INO80D: variants seen among roughly 807,000 people sequenced by gnomAD.
INO80D encodes the protein INO80 complex subunit D.
INO80D carries 21 observed loss-of-function variants against 87.6 expected under a neutral mutation model. The ratio of observed to expected loss-of-function variants is 0.24; its 90% CI spans 0.17 to 0.35. INO80D has a LOEUF of 0.35. INO80D is among the 10% of genes least tolerant of loss of function. INO80D has a pLI of 1.00. For missense variants in INO80D, 982 were observed against 1,280.7 expected (o/e 0.77, Z 3.56); for synonymous variants, 440 against 491.0 (o/e 0.90, Z 1.37).
intron 5 of INO80D, among the ~76,000 whole-genome samples, chr2:206,030,550 C>T (rs1351938582): frequency 6.6e-6 from 1 of 151,696 alleles, no homozygotes; most frequent in East Asian, 1.9e-4. Flanking sequence ...GGACCTCACA[C>T]AAATACAACA....
intron 1 of INO80D, among the ~76,000 whole-genome samples, chr2:206,073,831 C>T (rs1690035893): frequency 6.6e-6 from 1 of 151,984 alleles, no homozygotes; most frequent in African/African-American, 2.4e-5. Context: ...ATTTCCTAAT[C>T]CATGCAAACA....
At chr2:206,027,776 C>A (rs1428022421) in intron 6 of INO80D, among the ~76,000 whole-genome samples, 1 of 152,110 alleles carries the variant, frequency 6.6e-6, no homozygotes, top group African/African-American at 2.4e-5. Context: ...TAAAATACTA[C>A]TTTTGTAGTT....
chr2:206,009,501 T>A (rs773067782), intron 9 of INO80D, 76 bp downstream of exon 9: 10 of 1,251,110 alleles, frequency 8.0e-6, no homozygotes, highest in Non-Finnish European at 1.0e-5. Context: ...AACTTTACAA[T>A]AACCACATGA....
chr2:206,010,419 A>G (rs2105802851), intron 8 of INO80D, among the ~76,000 whole-genome samples: 1 of 152,336 alleles, frequency 6.6e-6, no homozygotes, highest in Non-Finnish European at 1.5e-5. Context: ...ATAAAAATCT[A>G]TGTCTAAATA....
intron 8 of INO80D, among the ~76,000 whole-genome samples, chr2:206,014,507 G>A (rs1368560280): frequency 6.6e-6 from 1 of 152,174 alleles, no homozygotes; most frequent in Non-Finnish European, 1.5e-5. Context: ...TTTAAAAATG[G>A]GAGTTGCCCT....
At chr2:206,060,631 G>A (rs202119312) in intron 3 of INO80D, among the ~76,000 whole-genome samples, 5 of 149,504 alleles carry the variant, frequency 3.3e-5, no homozygotes, top group East Asian at 4.0e-4. Flanking sequence ...CGCGATCTCC[G>A]CTCACTGCAA....
chr2:206,019,617 A>G (rs1457421932), intron 7 of INO80D, 119 bp downstream of exon 7: 6 of 658,052 alleles, frequency 9.1e-6, no homozygotes, highest in Non-Finnish European at 1.5e-5. Flanking sequence ...CGATAAAATT[A>G]TTTTAAACAT....
chr2:206,066,213 G>GC (rs1432920628), intron 1 of INO80D, among the ~76,000 whole-genome samples: 1 of 151,896 alleles, frequency 6.6e-6, no homozygotes, highest in Non-Finnish European at 1.5e-5. Context: ...AGCTGAGATC[G>GC]CAACACTGCA....
At chr2:206,071,232 T>G in intron 1 of INO80D, among the ~76,000 whole-genome samples, 1 of 134,642 alleles carries the variant, frequency 7.4e-6, no homozygotes, top group African/African-American at 2.7e-5. Context: ...GTGCTGGGAT[T>G]ACAGGCATAA....
At chr2:206,039,235 T>C (rs1258244670) in intron 5 of INO80D, among the ~76,000 whole-genome samples, 1 of 151,726 alleles carries the variant, frequency 6.6e-6, no homozygotes, top group Non-Finnish European at 1.5e-5. Context: ...CCGTCTCTAC[T>C]AAAAATACGA....
At chr2:206,077,404 A>C (rs890502566) in intron 1 of INO80D, among the ~76,000 whole-genome samples, 1 of 151,838 alleles carries the variant, frequency 6.6e-6, no homozygotes, top group Non-Finnish European at 1.5e-5. Context: ...TATCATTTTG[A>C]TCTAGAATCT....
chr2:206,083,100 AATTTC>A (rs1690329110), intron 1 of INO80D, among the ~76,000 whole-genome samples: 3 of 152,242 alleles, frequency 2.0e-5, no homozygotes, highest in African/African-American at 7.2e-5. Flanking sequence ...ATCTTTTATT[AATTTC>A]AAATGGAATG....
intron 5 of INO80D, among the ~76,000 whole-genome samples, chr2:206,038,629 C>T (rs115266962): frequency 7.9e-5 from 12 of 152,176 alleles, no homozygotes; most frequent in East Asian, 1.9e-4. Flanking sequence ...CCCAGGAGTT[C>T]GAAAGTGGCC....
Position 206,062,441 on chromosome 2 carries a change from AC to A in INO80D, c.218+357del, listed in dbSNP as rs1299377120. ...AAACTAGGTAGAAAAGTCAGGAATT[AC>A]TTTATAAGGCCATAAACCAAACAAA... On this transcript the variant is annotated intron_variant, in intron 3 of 10. Coordinates refer to ENST00000403263, the MANE Select transcript of INO80D (RefSeq NM_017759.5). This position sits in a 1 kb window ranked among gnomAD's most constrained non-coding sequence, Gnocchi z 4.6. Among the ~76,000 whole-genome samples the A allele has an allele frequency of 1.3e-5, 2 of 152,188 alleles. No individual in the cohort carries two copies. Among genetic ancestry groups the A allele is most frequent in the African/African-American group, 4.8e-5 (2 of 41,462 alleles).
In INO80D at chr2:206,007,274, T is replaced by C. The variant is rs1432955030; in HGVS notation, c.1918+10A>G. The C allele has an allele frequency of 2.5e-6, 4 of 1,606,970 alleles. No homozygotes were observed. The highest frequency in any genetic ancestry group is 1.1e-5 in the South Asian group (1 of 89,160). On this transcript the variant is annotated intron_variant, in intron 10 of 10. Coordinates refer to ENST00000403263, the MANE Select transcript of INO80D (RefSeq NM_017759.5). Reference sequence around the variant, plus strand: ...AAACCAGTTTCCTTGAGTCAAAATATTGACTATACCTTCAAAAAAATCAAA... The same window carrying C: ...AAACCAGTTTCCTTGAGTCAAAATACTGACTATACCTTCAAAAAAATCAAA...
intron 7 of INO80D, 27 bp from the exon 8 acceptor site, chr2:206,017,840 A>G (rs1688359491): frequency 6.3e-7 from 1 of 1,578,816 alleles, no homozygotes; most frequent in Non-Finnish European, 8.6e-7. Context: ...TAGGAGTAAA[A>G]TACACTGAAA....
chr2:206,028,095 T>C lies in INO80D; in HGVS notation c.1298+16A>G, dbSNP rs780260615. 8.0e-6 allele frequency: 12 copies of C among 1,504,492 alleles called. No individual in the cohort carries two copies. The highest frequency in any genetic ancestry group is 2.4e-4 in the Middle Eastern group (1 of 4,244). 93.2% of individuals were successfully genotyped at this position (1,504,492 alleles called of 1,614,324 possible). A position where few individuals can be genotyped will look rare whatever the true frequency, so the allele number is the denominator to read the frequency against. On this transcript the variant is annotated intron_variant, in intron 6 of 10. Transcript: ENST00000403263. Reference sequence around the variant, plus strand: ...CTGAGATGAGTCCCTTAAGAATAGGTTGCTGTGGCTCTAACCTGGTTCGAC... The same window carrying C: ...CTGAGATGAGTCCCTTAAGAATAGGCTGCTGTGGCTCTAACCTGGTTCGAC...
intron 5 of INO80D, chr2:206,040,488 G>C (rs1326700550): frequency 9.4e-6 from 2 of 213,428 alleles, no homozygotes; most frequent in East Asian, 2.2e-4. Flanking sequence ...GCAGTATTCT[G>C]GCTGAACACA....
intron 8 of INO80D, among the ~76,000 whole-genome samples, chr2:206,013,950 G>A (rs1169425097): frequency 6.6e-6 from 1 of 151,684 alleles, no homozygotes; most frequent in Non-Finnish European, 1.5e-5. Context: ...CCTGAGGTCA[G>A]GAGTTCAAGA....
Sources: gnomAD v4.1 joint callset for allele counts (sites outside exome capture counted in the v4.1 genomes callset) on GRCh38, gnomAD v4.1.1 for gene constraint, Gnocchi (gnomAD v3.1) non-coding constraint, MANE v1.5 for transcripts, NCBI Gene and HGNC (gene_info 2026-07-23, HGNC 2026-07-21) for gene names.